Variants in MELK observed in about 807,000 individuals in gnomAD.
MELK encodes maternal embryonic leucine zipper kinase.
A neutral mutation model predicts 85.0 loss-of-function variants in MELK; 81 were observed. The observed-to-expected ratio is 0.95, with a 90% CI of 0.80 to 1.15. MELK has a LOEUF of 1.15. Ranked by LOEUF, MELK falls within the 50% of genes most tolerant of loss-of-function variation. The pLI is 0.00. For synonymous variants in MELK, 252 were observed against 265.0 expected (o/e 0.95, Z 0.48); for missense variants, 754 against 777.5 (o/e 0.97, Z 0.36).
chr9:36,614,893 G>A (rs1380808395), intron 8 of MELK, among the ~76,000 whole-genome samples: 3 of 147,242 alleles, frequency 2.0e-5, no homozygotes, highest in Admixed American at 6.7e-5. Context: ...CACCTTTCCC[G>A]CCTTTCTATT....
chr9:36,654,103 G>C (rs1230699007), intron 12 of MELK, among the ~76,000 whole-genome samples: 1 of 152,000 alleles, frequency 6.6e-6, no homozygotes, highest in African/African-American at 2.4e-5. Context: ...TTTGCACATG[G>C]GCTCCTTGAA....
intron 7 of MELK, among the ~76,000 whole-genome samples, chr9:36,606,284 G>GT (rs1293428171): frequency 4.1e-5 from 6 of 147,870 alleles, no homozygotes; most frequent in Admixed American, 1.4e-4. Flanking sequence ...ATATACATAT[G>GT]TATAGGTGTG....
At chr9:36,618,692 A>G (rs868570638) in intron 8 of MELK, among the ~76,000 whole-genome samples, 3 of 152,254 alleles carry the variant, frequency 2.0e-5, no homozygotes, top group East Asian at 3.9e-4. Flanking sequence ...CCACTTGTCT[A>G]TTCAATGAGG....
At chr9:36,661,531 A>C (rs7031174) in intron 13 of MELK, among the ~76,000 whole-genome samples, 124,887 of 152,096 alleles carry the variant, frequency 0.82, 52,180 homozygotes, top group Non-Finnish European at 0.9. Context: ...CAACCTGATA[A>C]AAGAACTATT....
chr9:36,667,025 T>C (rs1832444328), intron 14 of MELK, among the ~76,000 whole-genome samples: 4 of 152,138 alleles, frequency 2.6e-5, no homozygotes, highest in Admixed American at 2.6e-4. Context: ...TGAAAGGGTC[T>C]CTTTCTGTTC....
intron 1 of MELK, among the ~76,000 whole-genome samples, chr9:36,579,878 A>AT (rs1822023216): frequency 6.6e-6 from 1 of 152,154 alleles, no homozygotes; most frequent in Non-Finnish European, 1.5e-5. Flanking sequence ...TTTACAACTA[A>AT]TTTTTATTTA....
intron 12 of MELK, among the ~76,000 whole-genome samples, chr9:36,656,320 T>A (rs1290369481): frequency 2.0e-5 from 3 of 152,244 alleles, no homozygotes; most frequent in Non-Finnish European, 4.4e-5. Context: ...TAGAGTTGTC[T>A]GGTATTATAG....
intron 7 of MELK, among the ~76,000 whole-genome samples, chr9:36,606,473 AT>A (rs1825520945): frequency 7.1e-6 from 1 of 141,470 alleles, no homozygotes; most frequent in Admixed American, 7.3e-5. Context: ...GTGTGTATAT[AT>A]ATACATATGT....
At chr9:36,584,612 C>T (rs966156196) in intron 3 of MELK, among the ~76,000 whole-genome samples, 3 of 150,810 alleles carry the variant, frequency 2.0e-5, no homozygotes, top group Admixed American at 6.6e-5. Flanking sequence ...GGATTACAGG[C>T]GTGAGGCACC....
At chr9:36,656,843 C>T (rs9919068) in intron 12 of MELK, among the ~76,000 whole-genome samples, 5,964 of 152,244 alleles carry the variant, frequency 0.039, 326 homozygotes, top group African/African-American at 0.11. Context: ...GCTCCAACGC[C>T]TGAGCTTAAG....
intron 10 of MELK, among the ~76,000 whole-genome samples, chr9:36,633,839 T>C (rs1828868818): frequency 6.6e-6 from 1 of 152,186 alleles, no homozygotes; most frequent in Non-Finnish European, 1.5e-5. Context: ...GTTGTTTTGA[T>C]TGAAGCCAAG....
At chr9:36,653,794 A>C (rs73439162) in intron 12 of MELK, among the ~76,000 whole-genome samples, 1,698 of 152,146 alleles carry the variant, frequency 0.011, 24 homozygotes, top group African/African-American at 0.034. Flanking sequence ...TAAAAAAAAA[A>C]CAAAAAATGT....
intron 8 of MELK, among the ~76,000 whole-genome samples, chr9:36,624,362 G>C (rs568697980): frequency 4.6e-5 from 7 of 152,150 alleles, no homozygotes; most frequent in Non-Finnish European, 8.8e-5. Flanking sequence ...TTTGAACCTA[G>C]CCAATTTGTT....
At chr9:36,597,347 G>T (rs1028296435) in intron 6 of MELK, 57 bp downstream of exon 6, 1 of 1,462,664 alleles carries the variant, frequency 6.8e-7, no homozygotes, top group Admixed American at 1.8e-5. Flanking sequence ...ATTTCTTAGT[G>T]TGTGATTTTG....
intron 7 of MELK, among the ~76,000 whole-genome samples, chr9:36,603,321 A>T (rs1233022652): frequency 6.6e-6 from 1 of 152,062 alleles, no homozygotes; most frequent in Non-Finnish European, 1.5e-5. Context: ...GTTGATTCTG[A>T]TGTTCACAGT....
At chr9:36,623,981 C>G (rs889656630) in intron 8 of MELK, among the ~76,000 whole-genome samples, 1 of 152,118 alleles carries the variant, frequency 6.6e-6, no homozygotes, top group African/African-American at 2.4e-5. Flanking sequence ...TAACATTTAT[C>G]AAGCTCTTAC....
chr9:36,677,244 C>T lies in MELK; in HGVS notation c.1863C>T (p.Pro621=), dbSNP rs766138629. The T allele has an allele frequency of 2.0e-5, 32 of 1,613,924 alleles. No homozygotes were observed. The South Asian group carries it at 2.6e-4, about 13-fold the overall frequency. Residue 621 remains proline, a synonymous_variant, in exon 18 of 18, where the codon CCC becomes CCT. Transcript: ENST00000298048. ...FELEVCQLQK[P]DVVGIRRQRL... The stretch of plus-strand genomic sequence containing the variant: ...TAGAAGTGTGCCAGCTTCAAAAACC[C>T]GATGTGGTGGGTATCAGGAGGCAGC...
intron 12 of MELK, among the ~76,000 whole-genome samples, chr9:36,652,213 A>C (rs1830779799): frequency 6.6e-6 from 1 of 150,762 alleles, no homozygotes; most frequent in African/African-American, 2.4e-5. Context: ...CGCCTGGCCA[A>C]TTTTTGTATC....
intron 9 of MELK, among the ~76,000 whole-genome samples, chr9:36,631,561 C>T (rs1828624722): frequency 6.6e-6 from 1 of 151,872 alleles, no homozygotes; most frequent in Non-Finnish European, 1.5e-5. Context: ...CCACCGCACC[C>T]AGCCTGGCCT....
Sources: gnomAD v4.1 joint callset for allele counts (sites outside exome capture counted in the v4.1 genomes callset) on GRCh38, gnomAD v4.1.1 for gene constraint, MANE v1.5 for transcripts, NCBI Gene and HGNC (gene_info 2026-07-23, HGNC 2026-07-21) for gene names.